Variants in GLIS3 observed in about 807,000 individuals in gnomAD.
GLIS3 encodes GLIS family zinc finger 3.
Under a neutral mutation model 78.6 loss-of-function variants are expected in GLIS3, and 53 were observed. The ratio of observed to expected loss-of-function variants is 0.67; its 90% CI spans 0.54 to 0.85. GLIS3 has a LOEUF of 0.85. Among genes scored for constraint, GLIS3 ranks in the 40% least tolerant of loss-of-function variants. GLIS3 has a pLI of 0.00. For synonymous variants in GLIS3, 684 were observed against 509.9 expected (o/e 1.34, Z -4.60); for missense variants, 1,703 against 1,231.1 (o/e 1.38, Z -5.74).
At chr9:4,292,596 T>A (rs746182784) in intron 1 of GLIS3, among the ~76,000 whole-genome samples, 9 of 152,194 alleles carry the variant, frequency 5.9e-5, no homozygotes, top group Non-Finnish European at 1.2e-4. Flanking sequence ...ACGTAAGGAT[T>A]CAATGATACA....
At chr9:4,474,374 C>T in the GLIS3 span, among the ~76,000 whole-genome samples, 1 of 152,044 alleles carries the variant, frequency 6.6e-6, no homozygotes, top group Non-Finnish European at 1.5e-5. Context: ...CAACAAAAAC[C>T]CTAGACGCAG....
chr9:4,182,096 C>T (rs1471694338), intron 2 of GLIS3, among the ~76,000 whole-genome samples: 1 of 152,122 alleles, frequency 6.6e-6, no homozygotes, highest in Admixed American at 6.5e-5. Flanking sequence ...TACATGCCAA[C>T]GAGAAGACAA....
chr9:4,126,210 C>A (rs1019620541), intron 2 of GLIS3, among the ~76,000 whole-genome samples: 2 of 152,146 alleles, frequency 1.3e-5, no homozygotes, highest in African/African-American at 4.8e-5. Context: ...TATTAAAAAT[C>A]ATATTTTATA....
the GLIS3 span, among the ~76,000 whole-genome samples, chr9:4,396,675 G>C: frequency 6.6e-6 from 1 of 152,178 alleles, no homozygotes; most frequent in Admixed American, 6.5e-5. Flanking sequence ...AATTTGATGA[G>C]AGGTAAGTAG....
intron 2 of GLIS3, among the ~76,000 whole-genome samples, chr9:4,312,288 C>T (rs1044374000): frequency 6.6e-6 from 1 of 152,028 alleles, no homozygotes; most frequent in African/African-American, 2.4e-5. Flanking sequence ...GCCAACATGG[C>T]AAAACCCCAT....
the GLIS3 span, among the ~76,000 whole-genome samples, chr9:4,401,897 C>G: frequency 1.4e-4 from 22 of 152,272 alleles, no homozygotes; most frequent in African/African-American, 5.1e-4. Context: ...GGAGAGGCCC[C>G]TCTGCCTATG....
chr9:4,193,131 A>C lies in GLIS3; in HGVS notation c.389-67190T>G, dbSNP rs151095161. On this transcript the variant is annotated intron_variant, in intron 2 of 10. Coordinates refer to ENST00000381971, the MANE Select transcript of GLIS3 (RefSeq NM_001042413.2). ...TTCAGACTTATATTTTACTTAGCTA[A>C]TTCTGGTAACCAGGTAGAACTTGGT... Among the ~76,000 whole-genome samples, 13 of 152,360 alleles carry C rather than the reference A, an allele frequency of 8.5e-5. No individual in the cohort carries two copies. In the East Asian group the frequency reaches 1.9e-3, roughly 23 times the overall value.
the GLIS3 span, among the ~76,000 whole-genome samples, chr9:4,479,904 C>CTTTTTTTTTTTTT: frequency 1.1e-3 from 115 of 108,716 alleles, no homozygotes; most frequent in Middle Eastern, 5.8e-3. Context: ...ATTTCTTCTT[C>CTTTTTTTTTTTTT]TTTTTTTTTT....
At chr9:4,151,284 G>T (rs936115844) in intron 2 of GLIS3, among the ~76,000 whole-genome samples, 1 of 152,140 alleles carries the variant, frequency 6.6e-6, no homozygotes, top group Non-Finnish European at 1.5e-5. Flanking sequence ...GGAGAAAAAA[G>T]AAATCAGATT....
At chr9:4,050,447 G>T (rs952648136) in intron 4 of GLIS3, among the ~76,000 whole-genome samples, 4 of 152,106 alleles carry the variant, frequency 2.6e-5, no homozygotes, top group African/African-American at 4.8e-5. Flanking sequence ...GGGCCTGTTG[G>T]TGGGTGGGGG....
Position 4,148,824 on chromosome 9 carries a change from TG to T in GLIS3, c.389-22884del, listed in dbSNP as rs367997164. On this transcript the variant is annotated intron_variant, in intron 2 of 10. Coordinates refer to ENST00000381971, the MANE Select transcript of GLIS3 (RefSeq NM_001042413.2). ...AGAGAAATTGCTGAGAAGCCTGGAG[TG>T]GGGGTAACGTGGCCAGAGCTGCCAC... is the stretch of plus-strand genomic sequence containing the variant. Among the ~76,000 whole-genome samples, 1,085 of 152,022 alleles carry T rather than the reference TG, an allele frequency of 7.1e-3. 8 individuals are homozygous for T. The highest frequency in any genetic ancestry group is 0.012 in the Non-Finnish European group (831 of 67,960).
chr9:3,880,620 T>TAAGA (rs1470672766), intron 7 of GLIS3, among the ~76,000 whole-genome samples: 1 of 152,168 alleles, frequency 6.6e-6, no homozygotes, highest in African/African-American at 2.4e-5. Flanking sequence ...GGTTCAGGAT[T>TAAGA]AAGAAAGAGA....
At chr9:4,481,112 T>C in the GLIS3 span, among the ~76,000 whole-genome samples, 2 of 152,032 alleles carry the variant, frequency 1.3e-5, no homozygotes, top group Non-Finnish European at 2.9e-5. Flanking sequence ...CAAGTGGGCC[T>C]CCCAAAGTGC....
rs372720217 is a variant in GLIS3 at position 4,242,103 on chromosome 9, C to G, written c.388+43935G>C. On this transcript the variant is annotated intron_variant, in intron 2 of 10. Transcript: ENST00000381971. ...TCTCTCAGCAATGAAAAGGAGTGTG[C>G]AGGGGTGCCCCAGGAGTCTGAGCAA... Among the ~76,000 whole-genome samples, 66 of 152,238 alleles carry G rather than the reference C, an allele frequency of 4.3e-4. No homozygotes were observed. In the East Asian group the frequency reaches 7.9e-3, roughly 18 times the overall value.
chr9:4,268,719 C>A (rs1368369685), intron 2 of GLIS3, among the ~76,000 whole-genome samples: 1 of 152,148 alleles, frequency 6.6e-6, no homozygotes, highest in Non-Finnish European at 1.5e-5. Flanking sequence ...AGAGTAGGAA[C>A]CCACACTTGT....
rs1817787917 is a variant in GLIS3, at chr9:3,827,529, G to C, written c.*743C>G. ...AACATGCTAGAGGTGGGGCCAGGCA[G>C]AACCACAGCTGTGCAAAATGTCTAT... is the stretch of plus-strand genomic sequence containing the variant. On this transcript the variant is annotated 3_prime_UTR_variant, in exon 11 of 11. Coordinates refer to ENST00000381971, the MANE Select transcript of GLIS3 (RefSeq NM_001042413.2). 1 of 152,486 alleles carries C rather than the reference G, an allele frequency of 6.6e-6. No individual in the cohort carries two copies. The highest frequency in any genetic ancestry group is 1.5e-5 in the Non-Finnish European group (1 of 68,354). The allele number at this position is 152,486 out of a possible 1,614,324, so 9.4% of individuals were successfully genotyped here.
chr9:4,344,884 G>C (rs777755986), intron 2 of GLIS3, among the ~76,000 whole-genome samples: 20 of 152,004 alleles, frequency 1.3e-4, no homozygotes, highest in Non-Finnish European at 2.1e-4. Context: ...AATCTTACTG[G>C]CTCTACCTTC....
At chr9:4,014,161 T>C (rs1822257557) in intron 4 of GLIS3, among the ~76,000 whole-genome samples, 1 of 152,196 alleles carries the variant, frequency 6.6e-6, no homozygotes, top group African/African-American at 2.4e-5. Context: ...AACCAATGGC[T>C]GGATTTGGCC....
chr9:4,462,425 G>A, the GLIS3 span, among the ~76,000 whole-genome samples: 10 of 152,112 alleles, frequency 6.6e-5, no homozygotes, highest in African/African-American at 2.4e-4. Flanking sequence ...GGCACAAACT[G>A]CATTCTAGGA....
Sources: gnomAD v4.1 joint callset for allele counts (sites outside exome capture counted in the v4.1 genomes callset) on GRCh38, gnomAD v4.1.1 for gene constraint, MANE v1.5 for transcripts, NCBI Gene and HGNC (gene_info 2026-07-23, HGNC 2026-07-21) for gene names.